ENPP2: variants seen among roughly 807,000 people sequenced by gnomAD.
The protein encoded by ENPP2 is autotaxin.
Under a neutral mutation model 120.2 loss-of-function variants are expected in ENPP2, and 51 were observed. The ratio of observed to expected loss-of-function variants is 0.42; its 90% CI spans 0.34 to 0.54. ENPP2 has a LOEUF of 0.54. ENPP2 is among the 20% of genes least tolerant of loss of function. The pLI, the probability that ENPP2 is intolerant of heterozygous loss-of-function variation, is 0.04. For missense variants in ENPP2, 920 were observed against 1,066.5 expected (o/e 0.86, Z 1.91); for synonymous variants, 365 against 366.4 (o/e 1.00, Z 0.04).
chr8:119,620,513 A>G (rs1247966140), intron 4 of ENPP2, among the ~76,000 whole-genome samples: 2 of 152,212 alleles, frequency 1.3e-5, no homozygotes, highest in Non-Finnish European at 2.9e-5. Flanking sequence ...TTTTCCTGAA[A>G]TCTTTTAATG....
At chr8:119,658,228 G>T (rs1183512987) in intron 1 of ENPP2, among the ~76,000 whole-genome samples, 1 of 152,182 alleles carries the variant, frequency 6.6e-6, no homozygotes, top group Admixed American at 6.5e-5. Context: ...GTGCTTGTTT[G>T]TTATGTGGAT....
intron 1 of ENPP2, among the ~76,000 whole-genome samples, chr8:119,657,853 C>T (rs1203488537): frequency 1.3e-5 from 2 of 152,100 alleles, no homozygotes; most frequent in Admixed American, 6.5e-5. Context: ...CTGTCTTGCC[C>T]CAACCTCAGG....
intron 1 of ENPP2, among the ~76,000 whole-genome samples, chr8:119,670,970 G>T (rs557089533): frequency 1.2e-4 from 18 of 152,084 alleles, no homozygotes; most frequent in African/African-American, 4.1e-4. Context: ...TGAACTGCAT[G>T]ATCATATTAT....
intron 19 of ENPP2, chr8:119,571,842 T>C (rs1190520396): frequency 1.1e-5 from 2 of 185,376 alleles, no homozygotes; most frequent in African/African-American, 4.7e-5. Flanking sequence ...TTGCTTTAAT[T>C]AAAGTCTTAC....
chr8:119,657,147 A>G (rs1347864548), intron 1 of ENPP2, among the ~76,000 whole-genome samples: 2 of 151,750 alleles, frequency 1.3e-5, no homozygotes, highest in African/African-American at 4.8e-5. Context: ...CTGGTCTCGA[A>G]CTCCTGACCT....
intron 12 of ENPP2, 147 bp from the exon 13 acceptor site, chr8:119,590,777 G>C: frequency 2.0e-6 from 1 of 511,266 alleles, no homozygotes; most frequent in South Asian, 3.6e-5. Context: ...TTTTGTATTT[G>C]ACTTTAAATG....
intron 1 of ENPP2, among the ~76,000 whole-genome samples, chr8:119,655,705 C>A (rs531589094): frequency 2.0e-5 from 3 of 152,282 alleles, no homozygotes; most frequent in African/African-American, 7.2e-5. Context: ...TCTCAACAGT[C>A]TTACAAAATA....
rs1308800024 is a variant in ENPP2 at position 119,569,354 on chromosome 8, A to G, written c.1934T>C (p.Val645Ala). The G allele has an allele frequency of 1.9e-6, 3 of 1,614,018 alleles. No individual in the cohort carries two copies. In the Admixed American group the frequency reaches 5.0e-5, roughly 27 times the overall value. Residue 645 changes from valine (V) to alanine (A), a missense_variant, in exon 21 of 25, where the codon GTT becomes GCT. Transcript: ENST00000075322. ...TVSKQAEVSS[V>A]PDHLTSCVRP... The stretch of plus-strand genomic sequence containing the variant: ...GACGCAACTGGTCAGATGGTCAGGA[A>G]CGCTGGAAACCTCAGCCTGCACGGG...
At position 119,626,561 on chromosome 8, in the gene ENPP2, G is replaced by A. The variant is rs756011171; in HGVS notation, c.292+4C>T. 42 of 1,612,800 alleles carry A rather than the reference G, an allele frequency of 2.6e-5. No individual in the cohort carries two copies. The East Asian group carries it at 4.7e-4, about 18-fold the overall frequency. The stretch of plus-strand genomic sequence containing the variant: ...AAGGTAGAGAGGACTCATAAGTTAC[G>A]TACCTGTCTTCAAACACAGCTCATC... On this transcript the variant is annotated splice_donor_region_variant and intron_variant, in intron 3 of 24. Coordinates refer to ENST00000075322, the MANE Select transcript of ENPP2 (RefSeq NM_001040092.3).
At chr8:119,617,657 G>T in intron 5 of ENPP2, 94 bp from the exon 6 acceptor site, 1 of 916,884 alleles carries the variant, frequency 1.1e-6, no homozygotes, top group Non-Finnish European at 1.7e-6. Context: ...TAATTTCCAA[G>T]AAAAAATTTC....
At chr8:119,611,752 G>A (rs891149104) in intron 8 of ENPP2, among the ~76,000 whole-genome samples, 2 of 152,154 alleles carry the variant, frequency 1.3e-5, no homozygotes, top group Admixed American at 6.6e-5. Context: ...CAGGCCGGGC[G>A]CCGTGGCTCA....
At chr8:119,648,388 T>C (rs935706009) in intron 1 of ENPP2, among the ~76,000 whole-genome samples, 2 of 152,218 alleles carry the variant, frequency 1.3e-5, no homozygotes, top group African/African-American at 2.4e-5. Context: ...ATCCACCTTT[T>C]TCACATTCTT....
At chr8:119,614,248 G>A (rs998750419) in intron 8 of ENPP2, among the ~76,000 whole-genome samples, 1 of 151,694 alleles carries the variant, frequency 6.6e-6, no homozygotes, top group East Asian at 1.9e-4. Flanking sequence ...TGTATCTTTA[G>A]TAGAGATGGA....
rs1815703754 is a variant in ENPP2 at position 119,619,226 on chromosome 8, G to A, written c.479+18C>T. The A allele has an allele frequency of 2.5e-6, 4 of 1,575,760 alleles. No individual in the cohort carries two copies. Among genetic ancestry groups the A allele is most frequent in the East Asian group, 4.5e-5 (2 of 44,624 alleles). ...AGCTAATACATAAAACTTCAAAATAGTCATAAAATACACTTACCCTGCAGG... is the reference window on the plus strand; with the variant it reads ...AGCTAATACATAAAACTTCAAAATAATCATAAAATACACTTACCCTGCAGG... On this transcript the variant is annotated intron_variant, in intron 5 of 24. Transcript: ENST00000075322.
chr8:119,558,537 G>A lies in ENPP2; in HGVS notation c.2422-846C>T, dbSNP rs150321654. Among the ~76,000 whole-genome samples the A allele has an allele frequency of 5.9e-4, 90 of 152,180 alleles. 2 individuals carry two copies. The East Asian group carries it at 0.017, about 29-fold the overall frequency. On this transcript the variant is annotated intron_variant, in intron 24 of 24. Transcript: ENST00000075322. ...ACAAGTTGCAGATGAAAGACATTCAGATGTCCTGCATCAAACAACTTATTT... is the reference window on the plus strand; with the variant it reads ...ACAAGTTGCAGATGAAAGACATTCAAATGTCCTGCATCAAACAACTTATTT...
At chr8:119,664,695 A>G (rs1818020450) in intron 1 of ENPP2, among the ~76,000 whole-genome samples, 1 of 152,164 alleles carries the variant, frequency 6.6e-6, no homozygotes, top group African/African-American at 2.4e-5. Flanking sequence ...TTACCCCAGC[A>G]CTTTGGGAGA....
At chr8:119,565,813 C>T (rs1814376176) in intron 22 of ENPP2, among the ~76,000 whole-genome samples, 1 of 152,126 alleles carries the variant, frequency 6.6e-6, no homozygotes, top group South Asian at 2.1e-4. Context: ...GCCCACTCCC[C>T]CATATCGTAG....
At chr8:119,628,057 T>C (rs963926396) in intron 2 of ENPP2, among the ~76,000 whole-genome samples, 1 of 151,472 alleles carries the variant, frequency 6.6e-6, no homozygotes, top group Admixed American at 6.6e-5. Context: ...AAATAAAATA[T>C]TTTAAAATAG....
At chr8:119,671,541 T>A (rs892026515) in intron 1 of ENPP2, among the ~76,000 whole-genome samples, 4 of 151,986 alleles carry the variant, frequency 2.6e-5, no homozygotes, top group African/African-American at 9.7e-5. Flanking sequence ...AGGGAAGAAG[T>A]CACCTAGGGT....
Sources: gnomAD v4.1 joint callset for allele counts (sites outside exome capture counted in the v4.1 genomes callset) on GRCh38, gnomAD v4.1.1 for gene constraint, MANE v1.5 for transcripts, NCBI Gene and HGNC (gene_info 2026-07-23, HGNC 2026-07-21) for gene names.